CLASP2: variants seen among roughly 807,000 people sequenced by gnomAD.
CLASP2 encodes CLIP-associating protein 2.
CLASP2 carries 47 observed loss-of-function variants against 194.4 expected under a neutral mutation model. The ratio of observed to expected loss-of-function variants is 0.24; its 90% CI spans 0.19 to 0.31. The LOEUF (loss-of-function observed/expected upper bound fraction) is 0.31. Ranked by LOEUF, CLASP2 falls within the 10% of genes least tolerant of loss-of-function variation. The pLI, the probability that CLASP2 is intolerant of heterozygous loss-of-function variation, is 1.00. For synonymous variants in CLASP2, 619 were observed against 633.5 expected (o/e 0.98, Z 0.34); for missense variants, 1,445 against 1,823.6 (o/e 0.79, Z 3.78).
chr3:33,594,564 T>A (rs1392982301), intron 20 of CLASP2, among the ~76,000 whole-genome samples: 1 of 151,782 alleles, frequency 6.6e-6, no homozygotes, highest in Admixed American at 6.6e-5. Context: ...GATAAAACAA[T>A]GGTGCATGAT....
At position 33,581,446 on chromosome 3, in the gene CLASP2, G is replaced by A. The variant is rs570073629; in HGVS notation, c.2347+375C>T. ...TCTAAGCTGAAATGTTAACATTTCC[G>A]CTGAAAAAGACAAAAGTATTTTATC... is the stretch of plus-strand genomic sequence containing the variant. On this transcript the variant is annotated intron_variant, in intron 23 of 38. Transcript: ENST00000682230. Among the ~76,000 whole-genome samples, 239 of 152,204 alleles carry A rather than the reference G, an allele frequency of 1.6e-3. 2 individuals carry two copies. Among genetic ancestry groups the A allele is most frequent in the Admixed American group, 5.6e-3 (85 of 15,294 alleles).
intron 1 of CLASP2, among the ~76,000 whole-genome samples, chr3:33,703,888 A>C (rs934183504): frequency 1.3e-5 from 2 of 152,240 alleles, no homozygotes; most frequent in Non-Finnish European, 2.9e-5. Context: ...CATTCAGACA[A>C]TGGAATAGTA....
intron 1 of CLASP2, among the ~76,000 whole-genome samples, chr3:33,702,698 T>C (rs1376493977): frequency 6.6e-6 from 1 of 152,118 alleles, no homozygotes; most frequent in Non-Finnish European, 1.5e-5. Flanking sequence ...GTAAAACATA[T>C]ATCTGTTAAG....
intron 7 of CLASP2, among the ~76,000 whole-genome samples, chr3:33,653,558 G>C (rs969370597): frequency 1.7e-5 from 2 of 117,482 alleles, no homozygotes; most frequent in African/African-American, 4.1e-5. Flanking sequence ...TAAAACAATT[G>C]AGAAAATGTG....
chr3:33,640,535 T>C (rs906113984), intron 8 of CLASP2, among the ~76,000 whole-genome samples: 3 of 150,056 alleles, frequency 2.0e-5, no homozygotes, highest in African/African-American at 7.3e-5. Context: ...CTTGAATGAA[T>C]GAGTGAGTGA....
intron 29 of CLASP2, among the ~76,000 whole-genome samples, chr3:33,556,232 A>G (rs1180233278): frequency 6.6e-6 from 1 of 152,164 alleles, no homozygotes; most frequent in Non-Finnish European, 1.5e-5. Context: ...AACATCCATC[A>G]TTTATCTGAA....
At chr3:33,500,301 T>C (rs2046544780) in intron 38 of CLASP2, among the ~76,000 whole-genome samples, 1 of 152,080 alleles carries the variant, frequency 6.6e-6, no homozygotes, top group Admixed American at 6.5e-5. Context: ...TCCCAAGTGC[T>C]GTGGGAGCTA....
chr3:33,562,593 A>G (rs547263919), intron 27 of CLASP2, among the ~76,000 whole-genome samples: 86 of 152,292 alleles, frequency 5.6e-4, no homozygotes, highest in African/African-American at 2.0e-3. Flanking sequence ...ATGGGCAAAC[A>G]CTACATATCA....
At chr3:33,574,602 ACGTTTTTTT>A in intron 24 of CLASP2, 4 of 634,548 alleles carry the variant, frequency 6.3e-6, no homozygotes, top group Non-Finnish European at 1.1e-5. Flanking sequence ...CAGAAACATT[ACGTTTTTTT>A]CACACATAGG....
intron 1 of CLASP2, among the ~76,000 whole-genome samples, chr3:33,704,143 TA>T (rs2092548559): frequency 6.6e-6 from 1 of 152,188 alleles, no homozygotes; most frequent in Non-Finnish European, 1.5e-5. Flanking sequence ...CTATTCTGCA[TA>T]ATACTATAAT....
At chr3:33,525,120 A>G (rs1167559680) in intron 34 of CLASP2, among the ~76,000 whole-genome samples, 1 of 152,220 alleles carries the variant, frequency 6.6e-6, no homozygotes, top group Non-Finnish European at 1.5e-5. Flanking sequence ...TAACAGAAGT[A>G]AAACTGGAAA....
At chr3:33,591,823 T>A (rs2068865829) in intron 21 of CLASP2, among the ~76,000 whole-genome samples, 1 of 152,222 alleles carries the variant, frequency 6.6e-6, no homozygotes, top group South Asian at 2.1e-4. Flanking sequence ...TTCCTCACTA[T>A]AAATTAGTAT....
chr3:33,582,854 A>G (rs1332696935), intron 22 of CLASP2, among the ~76,000 whole-genome samples: 1 of 152,180 alleles, frequency 6.6e-6, no homozygotes, highest in African/African-American at 2.4e-5. Context: ...TAGTTAGATG[A>G]AAACTTCAGA....
chr3:33,622,920 T>A (rs1577345187), intron 10 of CLASP2, among the ~76,000 whole-genome samples: 1 of 152,106 alleles, frequency 6.6e-6, no homozygotes, highest in Non-Finnish European at 1.5e-5. Flanking sequence ...GTGGTTTTCG[T>A]GCCTCAGCCT....
intron 21 of CLASP2, 165 bp downstream of exon 21, chr3:33,592,230 G>A (rs1309411629): frequency 9.8e-6 from 7 of 711,076 alleles, no homozygotes; most frequent in Non-Finnish European, 1.8e-5. Flanking sequence ...TTTGTCAGGT[G>A]ATGATGAACC....
chr3:33,518,228 T>C (rs568106321), intron 34 of CLASP2, among the ~76,000 whole-genome samples: 14 of 152,338 alleles, frequency 9.2e-5, no homozygotes, highest in African/African-American at 2.9e-4. Flanking sequence ...GCCTTCTTTT[T>C]AAAAGCATAA....
At position 33,713,680 on chromosome 3, in the gene CLASP2, CT is replaced by C. The variant is rs747860093; in HGVS notation, c.195+4127del. ...CGCTACATAGTTATAAATGTTTTCACTTTTTTTTTTTTCTCTCCCCTGAGAC... is the reference window on the plus strand; with the variant it reads ...CGCTACATAGTTATAAATGTTTTCACTTTTTTTTTTTCTCTCCCCTGAGAC... On this transcript the variant is annotated intron_variant, in intron 1 of 38. Coordinates refer to ENST00000682230, the MANE Select transcript of CLASP2 (RefSeq NM_001365631.1). 3.4e-4 allele frequency among the ~76,000 whole-genome samples: 50 copies of C among 147,136 alleles called. 1 individual carries two copies. Among genetic ancestry groups the C allele is most frequent in the Middle Eastern group, 7.1e-3 (2 of 282 alleles).
At chr3:33,685,798 C>T (rs1197838379) in intron 5 of CLASP2, among the ~76,000 whole-genome samples, 1 of 124,972 alleles carries the variant, frequency 8.0e-6, no homozygotes, top group Non-Finnish European at 1.6e-5. Context: ...TGGTTGCCAG[C>T]AGCTGGGGAG....
intron 26 of CLASP2, among the ~76,000 whole-genome samples, chr3:33,568,290 C>T (rs768861483): frequency 3.3e-5 from 5 of 152,002 alleles, no homozygotes; most frequent in African/African-American, 9.7e-5. Context: ...TGGTGGCTCA[C>T]GCTTGTCATC....
Sources: allele counts gnomAD v4.1 joint callset (sites outside exome capture counted in the v4.1 genomes callset), GRCh38; gene constraint gnomAD v4.1.1; transcripts MANE v1.5; gene names NCBI Gene and HGNC (gene_info 2026-07-23, HGNC 2026-07-21).